Variants in TMEM132B observed in about 807,000 individuals in gnomAD.
TMEM132B encodes transmembrane protein 132B.
In TMEM132B, 18 loss-of-function variants were observed where a neutral mutation model predicts 90.8. The ratio of observed to expected loss-of-function variants is 0.20; its 90% CI spans 0.14 to 0.29. TMEM132B has a LOEUF of 0.29. Ranked by LOEUF, TMEM132B falls within the 10% of genes least tolerant of loss-of-function variation. The pLI is 1.00. For synonymous variants in TMEM132B, 504 were observed against 523.3 expected (o/e 0.96, Z 0.50); for missense variants, 1,096 against 1,326.8 (o/e 0.83, Z 2.70).
intron 3 of TMEM132B, among the ~76,000 whole-genome samples, chr12:125,494,781 C>T (rs1882491355): frequency 3.9e-5 from 4 of 103,228 alleles, no homozygotes; most frequent in Non-Finnish European, 5.7e-5. Flanking sequence ...CGTGTTCCTC[C>T]TCCCCCTCTT....
At chr12:125,285,679 T>C (rs1177653304) in intron 1 of TMEM132B, among the ~76,000 whole-genome samples, 2 of 152,210 alleles carry the variant, frequency 1.3e-5, no homozygotes, top group African/African-American at 4.8e-5. Flanking sequence ...CCCTTGGGGC[T>C]GCTCCCAGGT....
intron 4 of TMEM132B, among the ~76,000 whole-genome samples, chr12:125,560,740 G>T (rs1048965649): frequency 1.3e-5 from 2 of 148,324 alleles, no homozygotes; most frequent in Non-Finnish European, 3.0e-5. Context: ...CAGGACAATG[G>T]CGTGAACCAG....
At chr12:125,259,022 C>T (rs1488369902) in intron 1 of TMEM132B, among the ~76,000 whole-genome samples, 2 of 152,008 alleles carry the variant, frequency 1.3e-5, no homozygotes, top group Non-Finnish European at 2.9e-5. Context: ...TTGGGATGGA[C>T]GTCAGCTGTG....
At chr12:125,216,431 T>C (rs1385534486) in intron 1 of TMEM132B, among the ~76,000 whole-genome samples, 3 of 152,248 alleles carry the variant, frequency 2.0e-5, no homozygotes, top group African/African-American at 4.8e-5. Context: ...ACCTTGGGCA[T>C]TGGGGCTTTC....
chr12:125,521,761 G>A (rs1378710863), intron 4 of TMEM132B, among the ~76,000 whole-genome samples: 1 of 152,208 alleles, frequency 6.6e-6, no homozygotes, highest in Non-Finnish European at 1.5e-5. Flanking sequence ...GCAGGGCTGG[G>A]AGCGGGGTGA....
At chr12:125,533,682 C>T (rs1183422041) in intron 4 of TMEM132B, among the ~76,000 whole-genome samples, 1 of 152,194 alleles carries the variant, frequency 6.6e-6, no homozygotes, top group Non-Finnish European at 1.5e-5. Flanking sequence ...CCCTCCCCGG[C>T]GGAGGCTCCT....
intron 1 of TMEM132B, among the ~76,000 whole-genome samples, chr12:125,321,709 C>T (rs1407310523): frequency 6.6e-6 from 1 of 152,096 alleles, no homozygotes; most frequent in Non-Finnish European, 1.5e-5. Context: ...AACTCCTGAC[C>T]TCAGGTGATC....
Position 125,408,212 on chromosome 12 carries a change from G to A in TMEM132B, c.960-7319G>A, listed in dbSNP as rs932230175. 1.3e-5 allele frequency among the ~76,000 whole-genome samples: 2 copies of A among 152,308 alleles called. No homozygotes were observed. Among genetic ancestry groups the A allele is most frequent in the Non-Finnish European group, 2.9e-5 (2 of 68,024 alleles). ...TTGTGTGGTGATAGGCTGCTTCCTC[G>A]TTACTGCTGTATAGTGTTCCACTGT... On this transcript the variant is annotated intron_variant, in intron 2 of 8. Coordinates refer to ENST00000682704, the MANE Select transcript of TMEM132B (RefSeq NM_001366854.1). This position sits in a 1 kb window ranked among gnomAD's most constrained non-coding sequence, Gnocchi z 5.9.
intron 1 of TMEM132B, among the ~76,000 whole-genome samples, chr12:125,291,123 T>C (rs888330981): frequency 6.6e-6 from 1 of 152,170 alleles, no homozygotes; most frequent in East Asian, 1.9e-4. Flanking sequence ...CCCCTCATGA[T>C]GGGACTGGTG....
intron 1 of TMEM132B, among the ~76,000 whole-genome samples, chr12:125,260,575 C>T (rs977192854): frequency 3.3e-5 from 5 of 151,606 alleles, no homozygotes; most frequent in Admixed American, 6.6e-5. Context: ...TCTCAAACTC[C>T]TGGCCTTCTG....
At position 125,654,676 on chromosome 12, in the gene TMEM132B, G is replaced by T; in HGVS notation, c.3218G>T (p.Arg1073Ile). 6.2e-7 allele frequency: 1 copy of T among 1,614,122 alleles called. No homozygotes were observed. The highest frequency in any genetic ancestry group is 1.7e-5 in the Admixed American group (1 of 60,014). Reference sequence around the variant, plus strand: ...GGGCTGGGGGATTCACAGGACTTTAGAGACTATATGGAAAGTCTGCAAGAC... The same window carrying T: ...GGGCTGGGGGATTCACAGGACTTTATAGACTATATGGAAAGTCTGCAAGAC... ...DMGLGDSQDFRDYMESLQDQM is the reference protein window; with the variant it reads ...DMGLGDSQDFIDYMESLQDQM Residue 1073 changes from arginine (R) to isoleucine (I), a missense_variant, in exon 9 of 9, where the codon AGA becomes ATA. By Grantham distance (97) the Arg-to-Ile change is moderately conservative. Transcript: ENST00000682704. The surrounding 1 kb of genome is among the most constrained non-coding windows in gnomAD (Gnocchi z 5.8).
intron 3 of TMEM132B, among the ~76,000 whole-genome samples, chr12:125,448,964 CTTTTTTT>C (rs368984381): frequency 8.0e-6 from 1 of 124,736 alleles, no homozygotes; most frequent in South Asian, 2.6e-4. Context: ...ATTCATATAT[CTTTTTTT>C]TTTTTTTTTT....
At chr12:125,531,083 C>T (rs1332920210) in intron 4 of TMEM132B, among the ~76,000 whole-genome samples, 1 of 152,260 alleles carries the variant, frequency 6.6e-6, no homozygotes, top group Non-Finnish European at 1.5e-5. Context: ...ACACAATACT[C>T]ACACTCAGTC....
chr12:125,398,782 T>C (rs1473037372), intron 2 of TMEM132B, among the ~76,000 whole-genome samples: 1 of 152,234 alleles, frequency 6.6e-6, no homozygotes, highest in Non-Finnish European at 1.5e-5. Context: ...GCTTAAAACA[T>C]CACCCATTTA....
Position 125,340,776 on chromosome 12 carries a change from A to C in TMEM132B, c.68-8676A>C, listed in dbSNP as rs573462804. Among the ~76,000 whole-genome samples the C allele has an allele frequency of 4.6e-5, 7 of 152,182 alleles. No homozygotes were observed. In the South Asian group the frequency reaches 8.3e-4, roughly 18 times the overall value. On this transcript the variant is annotated intron_variant, in intron 1 of 8. Transcript: ENST00000682704. ...TTTTCTGTTAAGCTAGACTATCCAA[A>C]AGCTGTCAGCAGTCTTGGCACACAC...
chr12:125,235,502 C>T (rs1000300774), intron 1 of TMEM132B, among the ~76,000 whole-genome samples: 2 of 151,664 alleles, frequency 1.3e-5, no homozygotes, highest in Non-Finnish European at 2.9e-5. Context: ...TACTTTAAAC[C>T]GAACCATTCA....
chr12:125,274,687 AC>A (rs1874940296), intron 1 of TMEM132B, among the ~76,000 whole-genome samples: 1 of 152,208 alleles, frequency 6.6e-6, no homozygotes, highest in African/African-American at 2.4e-5. Flanking sequence ...AATACAGCTG[AC>A]ATTTTGATCT....
chr12:125,228,355 A>G (rs1189022250), intron 1 of TMEM132B, among the ~76,000 whole-genome samples: 1 of 152,128 alleles, frequency 6.6e-6, no homozygotes, highest in Non-Finnish European at 1.5e-5. Context: ...GCGAGTGAGG[A>G]GGGATTTGGC....
chr12:125,276,686 T>A (rs1438772603), intron 1 of TMEM132B, among the ~76,000 whole-genome samples: 1 of 152,224 alleles, frequency 6.6e-6, no homozygotes, highest in South Asian at 2.1e-4. Context: ...TGCTTGCCTA[T>A]GCCCTTGGCC....
Sources: gnomAD v4.1 joint callset for allele counts (sites outside exome capture counted in the v4.1 genomes callset) on GRCh38, gnomAD v4.1.1 for gene constraint, Gnocchi (gnomAD v3.1) non-coding constraint, MANE v1.5 for transcripts, NCBI Gene and HGNC (gene_info 2026-07-23, HGNC 2026-07-21) for gene names.